The following SLC9A9 variants were observed in gnomAD, a reference collection of about 807,000 sequenced individuals.
The protein encoded by SLC9A9 is solute carrier family 9 member A9, also known as sodium/hydrogen exchanger 9.
A neutral mutation model predicts 77.8 loss-of-function variants in SLC9A9; 62 were observed. That is an observed-to-expected ratio of 0.80 (90% CI 0.65 to 0.98). The LOEUF is 0.98. SLC9A9 is among the 50% of genes least tolerant of loss of function. The probability of loss-of-function intolerance (pLI) is 0.00; values close to 1 mark genes in which losing one functional copy is unlikely to be tolerated. For missense variants in SLC9A9, 775 were observed against 774.9 expected (o/e 1.00, Z 0.00); for synonymous variants, 320 against 283.5 (o/e 1.13, Z -1.29).
chr3:143,652,727 T>G (rs1389823231), intron 5 of SLC9A9, among the ~76,000 whole-genome samples: 1 of 151,190 alleles, frequency 6.6e-6, no homozygotes, highest in Non-Finnish European at 1.5e-5. Context: ...CCTTCTACTA[T>G]GGCAGCAATT....
intron 2 of SLC9A9, among the ~76,000 whole-genome samples, chr3:143,798,199 C>G (rs1397875072): frequency 6.6e-6 from 1 of 152,176 alleles, no homozygotes; most frequent in Non-Finnish European, 1.5e-5. Context: ...AATTTCAGTT[C>G]CTTTCCTTTT....
intron 9 of SLC9A9, among the ~76,000 whole-genome samples, chr3:143,524,119 AAG>A (rs1211353264): frequency 1.3e-5 from 2 of 152,100 alleles, no homozygotes; most frequent in African/African-American, 4.8e-5. Flanking sequence ...AAACCAAGTG[AAG>A]AGAGGGGTTT....
intron 13 of SLC9A9, among the ~76,000 whole-genome samples, chr3:143,364,208 A>G (rs1370521448): frequency 1.9e-4 from 29 of 151,582 alleles, no homozygotes; most frequent in Non-Finnish European, 2.9e-5. Flanking sequence ...TTTTTGTGAG[A>G]GAAGAGGATG....
chr3:143,700,442 G>A (rs922567004), intron 4 of SLC9A9, among the ~76,000 whole-genome samples: 9 of 152,174 alleles, frequency 5.9e-5, no homozygotes, highest in Admixed American at 1.3e-4. Context: ...GCTACTGCTC[G>A]GAAGAGTGAG....
chr3:143,638,634 A>G (rs1412193944), intron 6 of SLC9A9, among the ~76,000 whole-genome samples: 1 of 152,264 alleles, frequency 6.6e-6, no homozygotes, highest in Non-Finnish European at 1.5e-5. Context: ...CTTCTTTCCC[A>G]TAAACAACCA....
chr3:143,580,924 T>A (rs958446269), intron 6 of SLC9A9, among the ~76,000 whole-genome samples: 7 of 152,194 alleles, frequency 4.6e-5, no homozygotes, highest in African/African-American at 1.7e-4. Flanking sequence ...GTATAGGAAG[T>A]GGGAGGCAGG....
intron 14 of SLC9A9, among the ~76,000 whole-genome samples, chr3:143,290,477 G>A (rs2029904452): frequency 1.3e-5 from 2 of 152,222 alleles, no homozygotes; most frequent in Non-Finnish European, 2.9e-5. Context: ...TGAGTCTGAT[G>A]GGAAGCTACG....
intron 6 of SLC9A9, among the ~76,000 whole-genome samples, chr3:143,598,202 T>C (rs1349868959): frequency 3.9e-5 from 6 of 152,236 alleles, no homozygotes; most frequent in Non-Finnish European, 8.8e-5. Flanking sequence ...ACCAGCGTCA[T>C]TTCCACTGCT....
intron 14 of SLC9A9, among the ~76,000 whole-genome samples, chr3:143,357,834 C>T (rs1559881362): frequency 6.6e-6 from 1 of 152,118 alleles, no homozygotes; most frequent in Non-Finnish European, 1.5e-5. Context: ...CACAAGGCCA[C>T]AGCGAACTAC....
intron 14 of SLC9A9, among the ~76,000 whole-genome samples, chr3:143,329,781 G>A (rs1036709691): frequency 5.3e-5 from 8 of 152,114 alleles, no homozygotes; most frequent in Non-Finnish European, 1.2e-4. Context: ...GGACCTGGGA[G>A]CCCAAGCCCC....
At chr3:143,370,565 G>A (rs201251306) in intron 13 of SLC9A9, among the ~76,000 whole-genome samples, 692 of 38,396 alleles carry the variant, frequency 0.018, 6 homozygotes, top group African/African-American at 0.06. Flanking sequence ...ATGCATGTGC[G>A]CGCACACACA....
At chr3:143,595,268 G>A (rs1486736708) in intron 6 of SLC9A9, among the ~76,000 whole-genome samples, 4 of 152,156 alleles carry the variant, frequency 2.6e-5, no homozygotes, top group Non-Finnish European at 5.9e-5. Flanking sequence ...TGGCTTCAGA[G>A]TTCAGCAAAA....
intron 14 of SLC9A9, among the ~76,000 whole-genome samples, chr3:143,279,973 T>C (rs559735714): frequency 9.9e-5 from 15 of 152,158 alleles, no homozygotes; most frequent in Admixed American, 9.8e-4. Context: ...GCATGTGCCA[T>C]GATACCCAGT....
chr3:143,332,508 C>A (rs1184438300), intron 14 of SLC9A9, among the ~76,000 whole-genome samples: 1 of 152,136 alleles, frequency 6.6e-6, no homozygotes, highest in East Asian at 1.9e-4. Flanking sequence ...TCAGGAAAAC[C>A]AATAGGAAAC....
intron 4 of SLC9A9, among the ~76,000 whole-genome samples, chr3:143,736,703 T>C (rs901571734): frequency 3.3e-5 from 5 of 152,224 alleles, no homozygotes; most frequent in Non-Finnish European, 7.3e-5. Context: ...TGGTAGGTAA[T>C]ATCACAAAAG....
intron 6 of SLC9A9, among the ~76,000 whole-genome samples, chr3:143,644,380 A>T (rs6762408): frequency 0.79 from 119,930 of 152,222 alleles, 47,490 homozygotes; most frequent in African/African-American, 0.84. Context: ...GTTACGGGGT[A>T]GAGTTCTGGA....
At chr3:143,334,100 G>A (rs924178474) in intron 14 of SLC9A9, among the ~76,000 whole-genome samples, 8 of 152,190 alleles carry the variant, frequency 5.3e-5, no homozygotes, top group African/African-American at 1.9e-4. Flanking sequence ...ATTTGTATAT[G>A]CCAATCAATT....
chr3:143,684,421 T>C (rs929363728), intron 5 of SLC9A9, among the ~76,000 whole-genome samples: 1 of 152,120 alleles, frequency 6.6e-6, no homozygotes, highest in African/African-American at 2.4e-5. Context: ...CAGCTGGCTA[T>C]GCAGGTTGTC....
At chr3:143,728,650 G>A (rs1341024964) in intron 4 of SLC9A9, among the ~76,000 whole-genome samples, 1 of 152,154 alleles carries the variant, frequency 6.6e-6, no homozygotes, top group Non-Finnish European at 1.5e-5. Flanking sequence ...AAGCGCAGAG[G>A]CCACGAAGGA....
Sources: gnomAD v4.1 joint callset for allele counts (sites outside exome capture counted in the v4.1 genomes callset) on GRCh38, gnomAD v4.1.1 for gene constraint, MANE v1.5 for transcripts, NCBI Gene and HGNC (gene_info 2026-07-23, HGNC 2026-07-21) for gene names.